Variants in IFT46 observed in about 807,000 individuals in gnomAD.
IFT46 encodes the protein intraflagellar transport protein 46 homolog.
IFT46 carries 19 observed loss-of-function variants against 39.6 expected under a neutral mutation model. The ratio of observed to expected loss-of-function variants is 0.48; its 90% CI spans 0.33 to 0.70. The LOEUF (loss-of-function observed/expected upper bound fraction) is 0.70. IFT46 is among the 30% of genes least tolerant of loss of function. The probability of loss-of-function intolerance (pLI) is 0.01; values close to 1 mark genes in which losing one functional copy is unlikely to be tolerated. For missense variants in IFT46, 334 were observed against 364.8 expected, an observed-to-expected ratio of 0.92 and a Z score of 0.69; for synonymous variants, 117 against 134.8, an observed-to-expected ratio of 0.87 and a Z score of 0.91.
chr11:118,560,374 A>C (rs1452054595), intron 2 of IFT46: 1 of 169,990 alleles, frequency 5.9e-6, no homozygotes, highest in Non-Finnish European at 1.2e-5. Context: ...AGCAGTGTCC[A>C]GTGTTCATGC....
chr11:118,576,761 G>T (rs1221526629), upstream of IFT46, among the ~76,000 whole-genome samples: 1 of 152,128 alleles, frequency 6.6e-6, no homozygotes, highest in African/African-American at 2.4e-5. Context: ...GGAGATTTAT[G>T]CTATACTTAG....
chr11:118,557,786 AT>A, intron 3 of IFT46: 1 of 1,614,112 alleles, frequency 6.2e-7, no homozygotes, highest in South Asian at 1.1e-5. Context: ...TCTCAAGTAC[AT>A]GAGAAGGGGT....
At chr11:118,552,113 C>G in intron 8 of IFT46, 101 bp downstream of exon 8, 1 of 1,426,484 alleles carries the variant, frequency 7.0e-7, no homozygotes, top group Non-Finnish European at 9.7e-7. Flanking sequence ...TCAGGTTGAT[C>G]AAATATGTTC....
upstream of IFT46, chr11:118,573,740 C>A (rs1313735728): frequency 4.4e-6 from 3 of 682,042 alleles, no homozygotes; most frequent in Non-Finnish European, 8.0e-6. Flanking sequence ...GGGGGGAATT[C>A]ATGCTTGGAC....
intron 5 of IFT46, 62 bp downstream of exon 5, chr11:118,555,186 G>A (rs1216259440): frequency 3.9e-6 from 6 of 1,547,306 alleles, no homozygotes; most frequent in Non-Finnish European, 5.4e-6. Flanking sequence ...TCAGACTAGA[G>A]ATAGGAAAGG....
chr11:118,551,754 T>C (rs368315046), intron 9 of IFT46, 32 bp downstream of exon 9: 3 of 1,568,304 alleles, frequency 1.9e-6, no homozygotes, highest in Non-Finnish European at 2.6e-6. Context: ...TACTGTACTT[T>C]CTTACCCTAC....
intron 7 of IFT46, among the ~76,000 whole-genome samples, chr11:118,554,217 AT>A (rs1235977473): frequency 3.0e-4 from 44 of 146,680 alleles, no homozygotes; most frequent in African/African-American, 2.7e-4. Context: ...CACCCTGCTA[AT>A]TTTTTTTTTT....
In IFT46 at chr11:118,545,817, C is replaced by T. The variant is rs782657953; in HGVS notation, c.709G>A (p.Ala237Thr). Residue 237 changes from alanine to threonine, a missense_variant, in exon 10 of 12, where the codon GCA (alanine) becomes ACA (threonine). Ala to Thr is a moderately conservative substitution (Grantham distance 58). Transcript: ENST00000264021. ...LPTAEIDCSL[A>T]EYIDMICAIL... ...CCACAGATCATGTCAATGTACTCTGCCAGGCTGCAATCAATCTCTGCCGTG... is the reference window on the plus strand; with the variant it reads ...CCACAGATCATGTCAATGTACTCTGTCAGGCTGCAATCAATCTCTGCCGTG... 177 of 1,614,044 alleles carry T rather than the reference C, an allele frequency of 1.1e-4. No individual in the cohort carries two copies. The highest frequency in any genetic ancestry group is 1.5e-4 in the Non-Finnish European group (173 of 1,180,024).
chr11:118,551,958 T>C, intron 8 of IFT46, 106 bp from the exon 9 acceptor site: 1 of 1,195,116 alleles, frequency 8.4e-7, no homozygotes, highest in Non-Finnish European at 1.2e-6. Context: ...ATCTGGCACA[T>C]CAGGAAGGCT....
upstream of IFT46, among the ~76,000 whole-genome samples, chr11:118,574,069 A>G (rs1470144096): frequency 1.3e-5 from 2 of 152,206 alleles, no homozygotes; most frequent in Non-Finnish European, 2.9e-5. Context: ...ATTCATTGAT[A>G]ACTGAGGGAT....
rs1191152153 is a variant in IFT46 at position 118,561,399 on chromosome 11, A to G, written c.-35-1535T>C. On this transcript the variant is annotated intron_variant, in intron 2 of 11. Coordinates refer to ENST00000264021, the MANE Select transcript of IFT46 (RefSeq NM_001168618.2). ...AGCGTAACTCCAGACATGATGGAAGAGATGTATAAGAAAGCTCATGCTGCT... is the reference window on the plus strand; with the variant it reads ...AGCGTAACTCCAGACATGATGGAAGGGATGTATAAGAAAGCTCATGCTGCT... 11 of 825,940 alleles carry G rather than the reference A, an allele frequency of 1.3e-5. No homozygotes were observed. In the African/African-American group the frequency reaches 1.5e-4, roughly 11 times the overall value. The allele number at this position is 825,940 out of a possible 1,614,324, so 51.2% of individuals were successfully genotyped here. A position where few individuals can be genotyped will look rare whatever the true frequency, so the allele number is the denominator to read the frequency against.
rs781815894 is a variant in IFT46, at chr11:118,556,520, G to A, written c.185+386C>T. On this transcript the variant is annotated intron_variant, in intron 4 of 11. Coordinates refer to ENST00000264021, the MANE Select transcript of IFT46 (RefSeq NM_001168618.2). Reference sequence around the variant, plus strand: ...AAAAAAAATAAAATTTTGTAGAGACGAGGTCTTGCTATGTTGCCCAGGTTG... The same window carrying A: ...AAAAAAAATAAAATTTTGTAGAGACAAGGTCTTGCTATGTTGCCCAGGTTG... 5.3e-4 allele frequency among the ~76,000 whole-genome samples: 80 copies of A among 151,978 alleles called. 1 individual carries two copies. The highest frequency in any genetic ancestry group is 2.5e-4 in the Non-Finnish European group (17 of 67,992).
chr11:118,560,576 C>T (rs1938018164), intron 2 of IFT46: 1 of 321,360 alleles, frequency 3.1e-6, no homozygotes, highest in Admixed American at 4.3e-5. Context: ...TGAATTCATA[C>T]TAAGAGTGGG....
intron 1 of IFT46, among the ~76,000 whole-genome samples, chr11:118,571,057 T>C (rs1938326287): frequency 6.6e-6 from 1 of 152,170 alleles, no homozygotes; most frequent in South Asian, 2.1e-4. Flanking sequence ...CAGAATGTTT[T>C]AATTATTCCA....
Position 118,556,886 on chromosome 11 carries a change from C to CT in IFT46, c.185+19dup, listed in dbSNP as rs781996204. The CT allele has an allele frequency of 8.3e-6, 13 of 1,560,138 alleles. No individual in the cohort carries two copies. The Admixed American group carries it at 2.4e-4, about 29-fold the overall frequency. ...GAGGTATTCTGAAGAGCACCCTTGG[C>CT]TTGGGTGTTCTTTCCTCACCCTTCC... On this transcript the variant is annotated intron_variant, in intron 4 of 11. Coordinates refer to ENST00000264021, the MANE Select transcript of IFT46 (RefSeq NM_001168618.2).
At chr11:118,545,657 G>A in intron 10 of IFT46, 136 bp downstream of exon 10, 4 of 1,132,272 alleles carry the variant, frequency 3.5e-6, no homozygotes, top group Non-Finnish European at 5.3e-6. Context: ...ACCTTTGAGT[G>A]CTGCCAAAGA....
intron 9 of IFT46, 46 bp downstream of exon 9, chr11:118,551,740 C>T (rs782452579): frequency 4.2e-6 from 6 of 1,419,524 alleles, no homozygotes; most frequent in East Asian, 4.6e-5. Context: ...GGCCCTGGAG[C>T]GAATACTGTA....
At chr11:118,576,440 A>AAAAAAAAAAAAAC (rs1938511068), upstream of IFT46, among the ~76,000 whole-genome samples, 1 of 147,100 alleles carries the variant, frequency 6.8e-6, no homozygotes, top group African/African-American at 2.5e-5. Flanking sequence ...AAAAAAAAAA[A>AAAAAAAAAAAAAC]AAAAAAAAAC....
upstream of IFT46, chr11:118,573,778 C>A: frequency 1.6e-6 from 1 of 610,800 alleles, no homozygotes; most frequent in Non-Finnish European, 3.0e-6. Context: ...CTTTTCTCAG[C>A]CTCAGGTATA....
Sources: allele counts gnomAD v4.1 joint callset (sites outside exome capture counted in the v4.1 genomes callset), GRCh38; gene constraint gnomAD v4.1.1; transcripts MANE v1.5; gene names NCBI Gene and HGNC (gene_info 2026-07-23, HGNC 2026-07-21).